The following KIF20B variants were observed in gnomAD, a reference collection of about 807,000 sequenced individuals.
The protein encoded by KIF20B is kinesin family member 20B.
KIF20B carries 188 observed loss-of-function variants against 232.5 expected under a neutral mutation model. The observed-to-expected ratio is 0.81, with a 90% CI of 0.72 to 0.91. KIF20B has a LOEUF of 0.91. Ranked by LOEUF, KIF20B falls within the 40% of genes least tolerant of loss-of-function variation. The pLI, the probability that KIF20B is intolerant of heterozygous loss-of-function variation, is 0.00. For synonymous variants in KIF20B, 712 were observed against 683.0 expected (o/e 1.04, Z -0.66); for missense variants, 2,154 against 2,055.9 (o/e 1.05, Z -0.92).
In KIF20B at chr10:89,717,445, A is replaced by T; in HGVS notation, c.1074A>T (p.Lys358Asn). The change falls in exon 10 of 33, where the codon AAA becomes AAT. Residue 358 changes from lysine to asparagine, a missense_variant. Coordinates refer to ENST00000371728, the MANE Select transcript of KIF20B (RefSeq NM_001284259.2). ...SSRSHSIFTV[K>N]ILQIEDSEMS... The stretch of plus-strand genomic sequence containing the variant: ...TCAGTCACAGCATATTCACTGTTAA[A>T]ATATTACAGATTGAAGATTCTGAAA... The T allele has an allele frequency of 1.3e-6, 2 of 1,591,960 alleles. No individual in the cohort carries two copies. The highest frequency in any genetic ancestry group is 1.7e-6 in the Non-Finnish European group (2 of 1,163,108).
chr10:89,752,999 T>C (rs919064631), intron 25 of KIF20B, among the ~76,000 whole-genome samples: 3 of 152,194 alleles, frequency 2.0e-5, no homozygotes, highest in African/African-American at 7.2e-5. Flanking sequence ...CTCCTTAAAC[T>C]TCTTACTCAT....
chr10:89,716,325 A>C (rs1564659149), intron 8 of KIF20B, 111 bp from the exon 9 acceptor site: 5 of 565,472 alleles, frequency 8.8e-6, no homozygotes, highest in Non-Finnish European at 9.3e-6. Flanking sequence ...ATGTGTTGTT[A>C]GAAGAAAGAT....
intron 2 of KIF20B, among the ~76,000 whole-genome samples, chr10:89,707,356 C>G (rs1842745394): frequency 6.6e-6 from 1 of 152,096 alleles, no homozygotes; most frequent in Non-Finnish European, 1.5e-5. Flanking sequence ...CAAGTAACCT[C>G]TGATTAGCAT....
intron 13 of KIF20B, 61 bp from the exon 14 acceptor site, chr10:89,723,903 C>G: frequency 5.7e-6 from 7 of 1,222,714 alleles, no homozygotes; most frequent in Non-Finnish European, 7.5e-6. Flanking sequence ...AACAGTTGGA[C>G]GGTATTTCTC....
At chr10:89,721,455 T>C (rs1353131858) in intron 13 of KIF20B, among the ~76,000 whole-genome samples, 1 of 152,130 alleles carries the variant, frequency 6.6e-6, no homozygotes, top group African/African-American at 2.4e-5. Context: ...GAGGATTGCT[T>C]GAGCTCAGGA....
intron 5 of KIF20B, among the ~76,000 whole-genome samples, chr10:89,710,638 C>A (rs1222620690): frequency 2.0e-5 from 3 of 152,118 alleles, no homozygotes; most frequent in African/African-American, 7.2e-5. Flanking sequence ...TGATGTGATA[C>A]AGAGAATTAA....
At chr10:89,752,499 C>T in intron 24 of KIF20B, 68 bp from the exon 25 acceptor site, 1 of 1,160,218 alleles carries the variant, frequency 8.6e-7, no homozygotes, top group Non-Finnish European at 1.2e-6. Flanking sequence ...TAGCCCATGT[C>T]AAGTGTATCT....
At position 89,768,822 on chromosome 10, in the gene KIF20B, AAAG is replaced by A. The variant is rs761951347; in HGVS notation, c.5180_5182del (p.Glu1727del). ...TGGTGTAAACCTGGCCACTAAGAAA[AAAG>A]AAGGAACACTACAGAAATTTGGAGA... On this transcript the variant is annotated inframe_deletion, in exon 31 of 33. Coordinates refer to ENST00000371728, the MANE Select transcript of KIF20B (RefSeq NM_001284259.2). 3 of 1,610,564 alleles carry A rather than the reference AAAG, an allele frequency of 1.9e-6. No individual in the cohort carries two copies. In the African/African-American group the frequency reaches 4.0e-5, roughly 22 times the overall value.
chr10:89,717,820 T>A, intron 11 of KIF20B, 98 bp downstream of exon 11: 1 of 724,860 alleles, frequency 1.4e-6, no homozygotes. Flanking sequence ...ATTTTTAAAC[T>A]GCTTCTTATG....
intron 32 of KIF20B, among the ~76,000 whole-genome samples, chr10:89,773,597 C>T (rs1463723569): frequency 5.9e-5 from 9 of 151,858 alleles, no homozygotes; most frequent in Admixed American, 1.3e-4. Flanking sequence ...AAATTGTTTT[C>T]TTAGTTACTA....
chr10:89,714,029 A>G lies in KIF20B; in HGVS notation c.676-18A>G, dbSNP rs992667983. The G allele has an allele frequency of 3.0e-6, 4 of 1,323,384 alleles. No individual in the cohort carries two copies. Among genetic ancestry groups the G allele is most frequent in the African/African-American group, 3.0e-5 (2 of 65,926 alleles). The allele number at this position is 1,323,384 out of a possible 1,614,324, so 82.0% of individuals were successfully genotyped here. On this transcript the variant is annotated intron_variant, in intron 6 of 32. Coordinates refer to ENST00000371728, the MANE Select transcript of KIF20B (RefSeq NM_001284259.2). ...ATGAAAATGTTTTTTTAATTTTTTA[A>G]AACAATCTTTTTTTTAGGTTACTGT...
intron 21 of KIF20B, among the ~76,000 whole-genome samples, chr10:89,741,877 A>G (rs767327863): frequency 3.9e-5 from 6 of 152,168 alleles, no homozygotes; most frequent in African/African-American, 7.2e-5. Flanking sequence ...AGTCATCTCA[A>G]TTATCAGATC....
At chr10:89,716,341 T>C in intron 8 of KIF20B, 95 bp from the exon 9 acceptor site, 2 of 593,540 alleles carry the variant, frequency 3.4e-6, no homozygotes, top group East Asian at 3.1e-5. Flanking sequence ...AAGATTTCAT[T>C]ATATGTCACT....
In KIF20B at chr10:89,751,411, CAGGT is replaced by C; in HGVS notation, c.4165_4168del (p.Val1389AsnfsTer10). On this transcript the variant is annotated frameshift_variant, in exon 24 of 33. Coordinates refer to ENST00000371728, the MANE Select transcript of KIF20B (RefSeq NM_001284259.2). LOFTEE classifies it high-confidence loss of function. ...GACACTAGAAGAACAGGAACAAACT[CAGGT>C]AGAACAGGATCAAGTGCTTGAGGCT... 6.2e-7 allele frequency: 1 copy of C among 1,608,944 alleles called. No homozygotes were observed. The highest frequency in any genetic ancestry group is 8.5e-7 in the Non-Finnish European group (1 of 1,177,494).
At chr10:89,740,635 G>T (rs1841777379) in intron 21 of KIF20B, among the ~76,000 whole-genome samples, 1 of 152,120 alleles carries the variant, frequency 6.6e-6, no homozygotes, top group Admixed American at 6.5e-5. Context: ...ATTCAGGTGT[G>T]ATTAAAAGGG....
rs368164071 is a variant in KIF20B at position 89,752,700 on chromosome 10, T to A, written c.4347+9T>A. 2.8e-5 allele frequency: 43 copies of A among 1,521,972 alleles called. No individual in the cohort carries two copies. Among genetic ancestry groups the A allele is most frequent in the Non-Finnish European group, 3.8e-5 (43 of 1,136,808 alleles). 94.3% of individuals were successfully genotyped at this position (1,521,972 alleles called of 1,614,324 possible). A position where few individuals can be genotyped will look rare whatever the true frequency, so the allele number is the denominator to read the frequency against. On this transcript the variant is annotated intron_variant, in intron 25 of 32. Transcript: ENST00000371728. ...TTCAAGATGAGTTACAGGTATGACTTTATGTATGTTTTTATGTATGAATGT... is the reference window on the plus strand; with the variant it reads ...TTCAAGATGAGTTACAGGTATGACTATATGTATGTTTTTATGTATGAATGT...
chr10:89,743,750 C>CA lies in KIF20B; in HGVS notation c.3916-53dup, dbSNP rs1258218654. On this transcript the variant is annotated intron_variant, in intron 21 of 32. Coordinates refer to ENST00000371728, the MANE Select transcript of KIF20B (RefSeq NM_001284259.2). ...CATAGTTGCCATGAATCTTAAATAA[C>CA]AAAAAGCAGTTAGTATTTTTAAAAT... The CA allele has an allele frequency of 5.1e-6, 6 of 1,176,810 alleles. No individual in the cohort carries two copies. The South Asian group carries it at 1.0e-4, about 20-fold the overall frequency. 72.9% of individuals were successfully genotyped at this position (1,176,810 alleles called of 1,614,324 possible).
At chr10:89,744,453 A>G (rs1841870323) in intron 22 of KIF20B, among the ~76,000 whole-genome samples, 1 of 152,228 alleles carries the variant, frequency 6.6e-6, no homozygotes, top group African/African-American at 2.4e-5. Flanking sequence ...TGTAATTAAT[A>G]GTAGTATACC....
At chr10:89,728,685 G>T (rs1303738194) in intron 17 of KIF20B, among the ~76,000 whole-genome samples, 1 of 151,876 alleles carries the variant, frequency 6.6e-6, no homozygotes, top group Non-Finnish European at 1.5e-5. Flanking sequence ...GTATTTTTCA[G>T]TGGAGACGGG....
Sources: gnomAD v4.1 joint callset for allele counts (sites outside exome capture counted in the v4.1 genomes callset) on GRCh38, gnomAD v4.1.1 for gene constraint, MANE v1.5 for transcripts, NCBI Gene and HGNC (gene_info 2026-07-23, HGNC 2026-07-21) for gene names.